Variants in SCNN1D observed in about 807,000 individuals in gnomAD.
The protein encoded by SCNN1D is epithelial sodium channel subunit delta.
Under a neutral mutation model 87.8 loss-of-function variants are expected in SCNN1D, and 104 were observed. That is an observed-to-expected ratio of 1.18 (90% confidence interval 1.01 to 1.39). The LOEUF is 1.39. SCNN1D is among the 40% of genes most tolerant of loss of function. SCNN1D has a pLI of 0.00. For missense variants in SCNN1D, 1,324 were observed against 1,093.9 expected, an observed-to-expected ratio of 1.21 and a Z score of -2.97; for synonymous variants, 628 against 481.2, an observed-to-expected ratio of 1.31 and a Z score of -3.99.
At chr1:1,281,367 C>G in intron 2 of SCNN1D, 44 bp from the exon 3 acceptor site, 1 of 1,531,536 alleles carries the variant, frequency 6.5e-7, no homozygotes, top group Non-Finnish European at 8.7e-7. Flanking sequence ...AGGCATGGGC[C>G]CAAAGGGAGC....
At chr1:1,282,618 A>G (rs1640493921) in intron 4 of SCNN1D, among the ~76,000 whole-genome samples, 1 of 152,144 alleles carries the variant, frequency 6.6e-6, no homozygotes, top group African/African-American at 2.4e-5. Context: ...GGACCCTGAC[A>G]GTAGCATGTG....
intron 6 of SCNN1D, 22 bp from the exon 7 acceptor site, chr1:1,285,904 G>A: frequency 6.5e-7 from 1 of 1,530,054 alleles, no homozygotes. Context: ...GCCGGGCCCT[G>A]CTGAGGCCAC....
chr1:1,281,142 G>A (rs1325612037), intron 1 of SCNN1D, 84 bp from the exon 2 acceptor site: 20 of 1,289,716 alleles, frequency 1.6e-5, no homozygotes, highest in South Asian at 2.6e-5. Context: ...AGTGGGGGAC[G>A]CTCACCCCAG....
At chr1:1,281,050 G>A in intron 1 of SCNN1D, 176 bp from the exon 2 acceptor site, 3 of 651,024 alleles carry the variant, frequency 4.6e-6, no homozygotes, top group South Asian at 3.7e-5. Flanking sequence ...CCCCTGGCCT[G>A]CCCATGCCCA....
intron 15 of SCNN1D, 67 bp from the exon 16 acceptor site, chr1:1,290,828 G>A (rs1046983027): frequency 1.9e-4 from 294 of 1,587,954 alleles, no homozygotes; most frequent in African/African-American, 7.1e-4. Context: ...CCCCACATCC[G>A]CCCGTGGTAC....
chr1:1,288,237 T>TCCCGTGTCTCTGCCCCGTCC (rs1640659918), intron 12 of SCNN1D, among the ~76,000 whole-genome samples, 200 bp downstream of exon 12: 2 of 111,246 alleles, frequency 1.8e-5, no homozygotes, highest in African/African-American at 4.3e-5. Flanking sequence ...CTCTGCTCCG[T>TCCCGTGTCTCTGCCCCGTCC]CCCGTGTCTC....
At chr1:1,290,842 G>A in intron 15 of SCNN1D, 53 bp from the exon 16 acceptor site, 1 of 1,599,252 alleles carries the variant, frequency 6.3e-7, no homozygotes, top group Non-Finnish European at 8.5e-7. Context: ...GTGGTACCCA[G>A]GATGGCCGGG....
Position 1,287,529 on chromosome 1 carries a change from C to T in SCNN1D, c.1332C>T (p.His444=), listed in dbSNP as rs1640623623. 6.5e-7 allele frequency: 1 copy of T among 1,529,154 alleles called. No individual in the cohort carries two copies. The highest frequency in any genetic ancestry group is 1.4e-5 in the African/African-American group (1 of 72,566). The allele number at this position is 1,529,154 out of a possible 1,614,324, so 94.7% of individuals were successfully genotyped here. ...CQARQFRTFH[H]PTYGSCYTVD... is the part of the protein sequence containing the mutation. ...CCAGACAGTTCCGGACCTTCCACCACCCCACCTACGGCAGCTGCTACACGG... is the reference window on the plus strand; with the variant it reads ...CCAGACAGTTCCGGACCTTCCACCATCCCACCTACGGCAGCTGCTACACGG... Residue 444 remains histidine, a synonymous_variant, in exon 10 of 18, where the codon CAC becomes CAT. Coordinates refer to ENST00000379116, the MANE Select transcript of SCNN1D (RefSeq NM_001130413.4).
chr1:1,288,088 A>G (rs1570607949), intron 12 of SCNN1D, 51 bp downstream of exon 12: 2 of 196,740 alleles, frequency 1.0e-5, no homozygotes, highest in Non-Finnish European at 9.6e-6. Context: ...TGGGCTGGCC[A>G]GGGGGTGTGG....
Position 1,287,699 on chromosome 1 carries a change from C to T in SCNN1D, c.1426C>T (p.Gln476Ter). The change falls in exon 11 of 18, where the codon CAG becomes TAG. Residue 476 changes from glutamine (Q) to a stop codon, truncating the protein, a stop_gained. Coordinates refer to ENST00000379116, the MANE Select transcript of SCNN1D (RefSeq NM_001130413.4). LOFTEE classifies it high-confidence loss of function. Reference sequence around the variant, plus strand: ...AGTCGGCCTGGTCCTCAGGGTTGAGCAGCAGCCTCACCTCCCTCTGCTGTC... The same window carrying T: ...AGTCGGCCTGGTCCTCAGGGTTGAGTAGCAGCCTCACCTCCCTCTGCTGTC... ...HGVGLVLRVE[Q>*]QPHLPLLSTL... is the part of the protein sequence containing the mutation. The T allele has an allele frequency of 6.2e-7, 1 of 1,610,924 alleles. No individual in the cohort carries two copies. The highest frequency in any genetic ancestry group is 2.2e-5 in the East Asian group (1 of 44,808).
At chr1:1,289,469 TCC>T (rs200548146) in intron 12 of SCNN1D, among the ~76,000 whole-genome samples, 8 of 14,304 alleles carry the variant, frequency 5.6e-4, no homozygotes, top group South Asian at 1.5e-3. Context: ...CTCTGCCCCG[TCC>T]CCCGTGTCTC....
At chr1:1,291,186 T>C (rs1640802347) in intron 17 of SCNN1D, 46 bp downstream of exon 17, 1 of 1,594,888 alleles carries the variant, frequency 6.3e-7, no homozygotes, top group South Asian at 1.1e-5. Context: ...GCAGCGACAG[T>C]GGCTGGCCCT....
rs925330658 is a variant in SCNN1D, at chr1:1,285,965, G to C, written c.598G>C (p.Ala200Pro). ...GCCCCCCAGGCCGGGGCCACCATCA[G>C]CACCACCACCACCACCCAAGGAGGG... ...QTPPRPGPPS[A>P]PPPPPKEGHQ... The change falls in exon 7 of 18, where the codon GCA becomes CCA. Residue 200 changes from alanine (A) to proline (P), a missense_variant. Ala to Pro is a conservative substitution (Grantham distance 27). Coordinates refer to ENST00000379116, the MANE Select transcript of SCNN1D (RefSeq NM_001130413.4). 3 of 1,560,036 alleles carry C rather than the reference G, an allele frequency of 1.9e-6. No individual in the cohort carries two copies. Among genetic ancestry groups the C allele is most frequent in the Admixed American group, 1.8e-5 (1 of 54,678 alleles).
intron 1 of SCNN1D, 165 bp from the exon 2 acceptor site, chr1:1,281,061 C>T (rs1046364826): frequency 5.8e-6 from 4 of 692,250 alleles, no homozygotes; most frequent in East Asian, 5.4e-5. Context: ...CCCATGCCCA[C>T]GGGAATCCCG....
chr1:1,290,253 C>G lies in SCNN1D; in HGVS notation c.1663-18C>G. 6.5e-7 allele frequency: 1 copy of G among 1,530,434 alleles called. No individual in the cohort carries two copies. The highest frequency in any genetic ancestry group is 1.8e-4 in the Middle Eastern group (1 of 5,680). The allele number at this position is 1,530,434 out of a possible 1,614,324, so 94.8% of individuals were successfully genotyped here. ...CTCCGCTCCATCCCATGTCCCTGCT[C>G]ATCCCCCCTGTCCCCAGGCCTGCCT... On this transcript the variant is annotated intron_variant, in intron 12 of 17. Transcript: ENST00000379116.
At position 1,286,147 on chromosome 1, in the gene SCNN1D, G is replaced by A. The variant is rs1640585562; in HGVS notation, c.780G>A (p.Leu260=). 3.7e-6 allele frequency: 6 copies of A among 1,609,424 alleles called. No homozygotes were observed. The highest frequency in any genetic ancestry group is 5.1e-6 in the Non-Finnish European group (6 of 1,179,338). The change falls in exon 7 of 18, where the codon CTG becomes CTA. Residue 260 remains leucine (L), a synonymous_variant. Coordinates refer to ENST00000379116, the MANE Select transcript of SCNN1D (RefSeq NM_001130413.4). ...TSWGLLSLGA[L]VALCWQLGLL... is the part of the protein sequence containing the mutation. ...GGGGGCTGCTGTCCCTGGGAGCCCT[G>A]GTCGCGCTCTGCTGGCAGCTGGGGC...
chr1:1,286,480 G>C (rs760443371), intron 7 of SCNN1D, among the ~76,000 whole-genome samples: 24 of 152,282 alleles, frequency 1.6e-4, no homozygotes, highest in Non-Finnish European at 2.8e-4. Context: ...GCTCAGTGTG[G>C]TCACTGCCCC....
chr1:1,290,133 TGTCTCTGCTCCGTCCCG>T (rs1640743118), intron 12 of SCNN1D, 121 bp from the exon 13 acceptor site: 2 of 482,966 alleles, frequency 4.1e-6, no homozygotes, highest in African/African-American at 5.5e-5. Flanking sequence ...CCGTCCCCCG[TGTCTCTGCTCCGTCCCG>T]TGTCTCTGCT....
intron 12 of SCNN1D, among the ~76,000 whole-genome samples, chr1:1,289,908 TCCCGTGTCTCTGCCCCGTCC>T: frequency 4.1e-5 from 2 of 49,330 alleles, no homozygotes; most frequent in Non-Finnish European, 3.5e-5. Flanking sequence ...CTCTGCTCCG[TCCCGTGTCTCTGCCCCGTCC>T]CCCGTGTCTC....
Sources: allele counts gnomAD v4.1 joint callset (sites outside exome capture counted in the v4.1 genomes callset), GRCh38; gene constraint gnomAD v4.1.1; transcripts MANE v1.5; gene names NCBI Gene and HGNC (gene_info 2026-07-23, HGNC 2026-07-21).